The following NUBPL variants were observed in gnomAD, a reference collection of about 807,000 sequenced individuals.
NUBPL encodes the protein iron-sulfur cluster transfer protein NUBPL.
Under a neutral mutation model 45.7 loss-of-function variants are expected in NUBPL, and 31 were observed. The observed-to-expected ratio is 0.68, with a 90% CI of 0.51 to 0.92. The LOEUF is 0.92. Among genes scored for constraint, NUBPL ranks in the 40% least tolerant of loss-of-function variants. The pLI, the probability that NUBPL is intolerant of heterozygous loss-of-function variation, is 0.00. For missense variants in NUBPL, 401 were observed against 398.7 expected (o/e 1.01, Z -0.05); for synonymous variants, 144 against 140.9 (o/e 1.02, Z -0.15).
chr14:31,751,236 C>T (rs536789568), intron 6 of NUBPL, among the ~76,000 whole-genome samples: 32 of 152,348 alleles, frequency 2.1e-4, no homozygotes, highest in African/African-American at 7.2e-4. Context: ...TGCAGTCATG[C>T]ACTCCCAACA....
In NUBPL at chr14:31,585,025, C is replaced by T. The variant is rs369322706; in HGVS notation, c.292-14264C>T. On this transcript the variant is annotated intron_variant, in intron 3 of 10. Coordinates refer to ENST00000281081, the MANE Select transcript of NUBPL (RefSeq NM_025152.3). Reference sequence around the variant, plus strand: ...CATTAGAGGTTAGGATTTCAACATACGAATTTTAGGGGACACAGATATTCA... The same window carrying T: ...CATTAGAGGTTAGGATTTCAACATATGAATTTTAGGGGACACAGATATTCA... Among the ~76,000 whole-genome samples, 14 of 152,222 alleles carry T rather than the reference C, an allele frequency of 9.2e-5. No homozygotes were observed. The South Asian group carries it at 2.1e-3, about 23-fold the overall frequency.
intron 10 of NUBPL, among the ~76,000 whole-genome samples, chr14:31,853,690 G>C (rs2040575085): frequency 6.6e-6 from 1 of 152,154 alleles, no homozygotes; most frequent in African/African-American, 2.4e-5. Context: ...CAATTAAAAA[G>C]TACTAATAGT....
intron 4 of NUBPL, among the ~76,000 whole-genome samples, chr14:31,602,717 T>C (rs2034477239): frequency 6.6e-6 from 1 of 152,152 alleles, no homozygotes; most frequent in South Asian, 2.1e-4. Context: ...TAGTAAGTGA[T>C]CAAAAATGGT....
intron 6 of NUBPL, among the ~76,000 whole-genome samples, chr14:31,738,616 T>C (rs1296262604): frequency 6.6e-6 from 1 of 152,184 alleles, no homozygotes; most frequent in East Asian, 1.9e-4. Flanking sequence ...AGGAGAGGAA[T>C]TAACTTTAAA....
intron 6 of NUBPL, among the ~76,000 whole-genome samples, chr14:31,714,021 C>T (rs1012846785): frequency 2.0e-4 from 31 of 152,238 alleles, no homozygotes; most frequent in Admixed American, 1.7e-3. Flanking sequence ...AAACTATTCC[C>T]AGCCCCTGTC....
At chr14:31,713,143 C>T (rs2037614584) in intron 6 of NUBPL, among the ~76,000 whole-genome samples, 1 of 152,134 alleles carries the variant, frequency 6.6e-6, no homozygotes, top group Non-Finnish European at 1.5e-5. Flanking sequence ...GCTTTAAGAC[C>T]AGAAGGGTCA....
chr14:31,766,886 G>A (rs1463106242), intron 6 of NUBPL, among the ~76,000 whole-genome samples: 1 of 152,026 alleles, frequency 6.6e-6, no homozygotes, highest in African/African-American at 2.4e-5. Flanking sequence ...GTTCCTCCCA[G>A]ATTATTTTAT....
At chr14:31,799,475 G>C (rs894168486) in intron 7 of NUBPL, among the ~76,000 whole-genome samples, 1 of 151,996 alleles carries the variant, frequency 6.6e-6, no homozygotes, top group South Asian at 2.1e-4. Flanking sequence ...ACATAAAATG[G>C]ATAACAACCT....
chr14:31,859,842 A>G lies in NUBPL; in HGVS notation c.*662A>G, dbSNP rs149637866. On this transcript the variant is annotated 3_prime_UTR_variant, in exon 11 of 11. Transcript: ENST00000281081. ...TCCATTTGTGTGAGTGGGTACTATT[A>G]TCTCCATTTTACAGATAAGTAATTT... 2 of 155,076 alleles carry G rather than the reference A, an allele frequency of 1.3e-5. No homozygotes were observed. The highest frequency in any genetic ancestry group is 2.9e-5 in the Non-Finnish European group (2 of 69,718). The allele number at this position is 155,076 out of a possible 1,614,324, so 9.6% of individuals were successfully genotyped here.
chr14:31,787,645 C>T, intron 6 of NUBPL, 135 bp from the exon 7 acceptor site: 2 of 667,960 alleles, frequency 3.0e-6, no homozygotes, highest in Middle Eastern at 4.0e-4. Flanking sequence ...TAGGACTCAG[C>T]ACAGTGCCTT....
chr14:31,808,703 A>G (rs1364363945), intron 7 of NUBPL, among the ~76,000 whole-genome samples: 3 of 152,182 alleles, frequency 2.0e-5, no homozygotes, highest in African/African-American at 7.2e-5. Context: ...CCAGTTTTCA[A>G]AGGGAATGCT....
At chr14:31,626,960 A>C (rs973559839) in intron 4 of NUBPL, among the ~76,000 whole-genome samples, 4 of 152,078 alleles carry the variant, frequency 2.6e-5, no homozygotes, top group African/African-American at 9.7e-5. Flanking sequence ...AATCATCTAC[A>C]CTGCTTGTTA....
chr14:31,641,045 G>T (rs1428167315), intron 4 of NUBPL, among the ~76,000 whole-genome samples: 1 of 151,948 alleles, frequency 6.6e-6, no homozygotes, highest in Admixed American at 6.6e-5. Flanking sequence ...TCTGCCTCCT[G>T]GGTTCAAGTG....
chr14:31,854,610 G>A (rs1207982198), intron 10 of NUBPL, among the ~76,000 whole-genome samples: 3 of 152,100 alleles, frequency 2.0e-5, no homozygotes, highest in African/African-American at 7.2e-5. Flanking sequence ...CTCCGAAAAT[G>A]CTTTGAGCTA....
At chr14:31,666,252 T>G (rs28782024) in intron 4 of NUBPL, among the ~76,000 whole-genome samples, 5 of 44,590 alleles carry the variant, frequency 1.1e-4, no homozygotes, top group Admixed American at 3.1e-4. Flanking sequence ...TATATATATA[T>G]ATATATATAT....
At chr14:31,716,324 TATC>T (rs2037687668) in intron 6 of NUBPL, among the ~76,000 whole-genome samples, 1 of 152,248 alleles carries the variant, frequency 6.6e-6, no homozygotes. Flanking sequence ...GGTCCTTTAT[TATC>T]ATCATCACCA....
chr14:31,680,902 C>T (rs1030419334), intron 6 of NUBPL, among the ~76,000 whole-genome samples: 5 of 151,892 alleles, frequency 3.3e-5, no homozygotes, highest in Non-Finnish European at 5.9e-5. Context: ...ATGTGGAACC[C>T]GTGGATATGG....
chr14:31,715,891 C>T (rs1384916163), intron 6 of NUBPL, among the ~76,000 whole-genome samples: 3 of 152,100 alleles, frequency 2.0e-5, no homozygotes, highest in African/African-American at 7.2e-5. Context: ...TTGCAAAAAA[C>T]GTTTTGACTC....
chr14:31,825,789 T>C (rs1416058715), intron 7 of NUBPL, among the ~76,000 whole-genome samples: 2 of 146,502 alleles, frequency 1.4e-5, no homozygotes, highest in African/African-American at 2.7e-5. Context: ...TTTTCTTCTT[T>C]CTTCATTTCT....
Sources: gnomAD v4.1 joint callset for allele counts (sites outside exome capture counted in the v4.1 genomes callset) on GRCh38, gnomAD v4.1.1 for gene constraint, MANE v1.5 for transcripts, NCBI Gene and HGNC (gene_info 2026-07-23, HGNC 2026-07-21) for gene names.